Variants in EGFR observed in about 807,000 individuals in gnomAD.
EGFR encodes epidermal growth factor receptor.
In EGFR, 58 loss-of-function variants were observed where a neutral mutation model predicts 143.0. The observed-to-expected ratio is 0.41, with a 90% CI of 0.33 to 0.50. EGFR has a LOEUF of 0.50. EGFR is among the 20% of genes least tolerant of loss of function. The pLI is 0.39. For missense variants in EGFR, 1,307 were observed against 1,579.0 expected (o/e 0.83, Z 2.92); for synonymous variants, 613 against 594.4 (o/e 1.03, Z -0.45).
intron 1 of EGFR, among the ~76,000 whole-genome samples, chr7:55,068,082 G>A (rs1789619371): frequency 6.6e-6 from 1 of 151,476 alleles, no homozygotes; most frequent in African/African-American, 2.4e-5. Context: ...ACGTGTGTGT[G>A]TGTGCACAGG....
chr7:55,149,913 C>A (rs896908702), intron 4 of EGFR, among the ~76,000 whole-genome samples: 4 of 152,138 alleles, frequency 2.6e-5, no homozygotes, highest in Non-Finnish European at 5.9e-5. Context: ...GGTTATAACA[C>A]AATGTATAGT....
intron 1 of EGFR, among the ~76,000 whole-genome samples, chr7:55,103,766 C>A (rs1791961159): frequency 6.6e-6 from 1 of 152,178 alleles, no homozygotes; most frequent in Non-Finnish European, 1.5e-5. Flanking sequence ...GAAACTGTTT[C>A]TTCCTTGTCA....
At chr7:55,204,156 T>TAC (rs964045392) in intron 27 of EGFR, among the ~76,000 whole-genome samples, 3 of 134,220 alleles carry the variant, frequency 2.2e-5, no homozygotes, top group Non-Finnish European at 5.0e-5. Context: ...ACACACCAAC[T>TAC]ACACACACAC....
At chr7:55,144,556 G>T (rs1489802706) in intron 3 of EGFR, among the ~76,000 whole-genome samples, 1 of 152,176 alleles carries the variant, frequency 6.6e-6, no homozygotes, top group African/African-American at 2.4e-5. Flanking sequence ...CCCAACAGGG[G>T]TGCAGCGCTG....
intron 1 of EGFR, among the ~76,000 whole-genome samples, chr7:55,043,677 T>C (rs1445885998): frequency 6.6e-6 from 1 of 152,192 alleles, no homozygotes; most frequent in East Asian, 1.9e-4. Context: ...CATTCTTTAA[T>C]GCATAGGACA....
At chr7:55,035,506 T>C (rs6953397) in intron 1 of EGFR, among the ~76,000 whole-genome samples, 77,218 of 147,322 alleles carry the variant, frequency 0.52, 21,243 homozygotes, top group East Asian at 0.88. Flanking sequence ...AACCCCGTCT[T>C]CACTAAAAAA....
At position 55,205,898 on chromosome 7, in the gene EGFR, G is replaced by T; in HGVS notation, c.*281G>T. The T allele has an allele frequency of 2.6e-6, 1 of 378,572 alleles. No homozygotes were observed. The allele number at this position is 378,572 out of a possible 1,614,324, so 23.5% of individuals were successfully genotyped here. On this transcript the variant is annotated 3_prime_UTR_variant, in exon 28 of 28. Coordinates refer to ENST00000275493, the MANE Select transcript of EGFR (RefSeq NM_005228.5). ...ATTTATCTTTCAAAGAGGTATATTT[G>T]AAAAAAAAAAAAAGTATATGTGAGG...
At chr7:55,042,278 A>G (rs1283317423) in intron 1 of EGFR, among the ~76,000 whole-genome samples, 1 of 152,214 alleles carries the variant, frequency 6.6e-6, no homozygotes, top group Non-Finnish European at 1.5e-5. Context: ...TTTGCTCCAC[A>G]CATGTCTTGT....
At chr7:55,144,137 C>T (rs1191522920) in intron 3 of EGFR, among the ~76,000 whole-genome samples, 2 of 152,166 alleles carry the variant, frequency 1.3e-5, no homozygotes, top group African/African-American at 4.8e-5. Context: ...ATTTAACGCC[C>T]ACAACCTTTC....
intron 1 of EGFR, among the ~76,000 whole-genome samples, chr7:55,097,238 A>G (rs1274921282): frequency 9.1e-6 from 1 of 109,450 alleles, no homozygotes; most frequent in Non-Finnish European, 2.1e-5. Flanking sequence ...TCTTCAAGGC[A>G]GTACTGCCTG....
chr7:55,029,351 T>G (rs1185792197), intron 1 of EGFR, among the ~76,000 whole-genome samples: 1 of 152,176 alleles, frequency 6.6e-6, no homozygotes, highest in Non-Finnish European at 1.5e-5. Flanking sequence ...CTGGTGACAT[T>G]TATGAGTGAG....
intron 11 of EGFR, among the ~76,000 whole-genome samples, chr7:55,158,133 T>C (rs977040194): frequency 2.0e-5 from 3 of 152,244 alleles, no homozygotes; most frequent in African/African-American, 7.2e-5. Context: ...TCTAACCATG[T>C]CTGTTCAGCT....
intron 1 of EGFR, among the ~76,000 whole-genome samples, chr7:55,094,382 C>T (rs1031261109): frequency 2.0e-5 from 3 of 152,236 alleles, no homozygotes; most frequent in Non-Finnish European, 4.4e-5. Context: ...CCTCACTGTG[C>T]AGCCTCCTGC....
At chr7:55,154,495 A>G (rs1327579838) in intron 7 of EGFR, among the ~76,000 whole-genome samples, 1 of 152,248 alleles carries the variant, frequency 6.6e-6, no homozygotes, top group East Asian at 1.9e-4. Context: ...GCTGGGCACA[A>G]AGCCGTGGGC....
chr7:55,168,714 G>A (rs1483844388), intron 15 of EGFR: 9 of 833,820 alleles, frequency 1.1e-5, no homozygotes, highest in Non-Finnish European at 1.6e-5. Flanking sequence ...TGAGTATATA[G>A]TTTGATATAA....
At chr7:55,130,752 C>G (rs769440998) in intron 1 of EGFR, among the ~76,000 whole-genome samples, 5 of 152,220 alleles carry the variant, frequency 3.3e-5, no homozygotes, top group Non-Finnish European at 7.3e-5. Flanking sequence ...GGAGACTGTT[C>G]TGAGAGCATG....
At chr7:55,082,398 C>A (rs1583992406) in intron 1 of EGFR, among the ~76,000 whole-genome samples, 1 of 152,004 alleles carries the variant, frequency 6.6e-6, no homozygotes. Context: ...TTGTTTGTTT[C>A]CCTTGTCTCC....
At chr7:55,170,021 T>C (rs1786264262) in intron 15 of EGFR, among the ~76,000 whole-genome samples, 1 of 152,166 alleles carries the variant, frequency 6.6e-6, no homozygotes, top group South Asian at 2.1e-4. Context: ...TTGGTGTCTG[T>C]AGGAGGTAGT....
intron 1 of EGFR, among the ~76,000 whole-genome samples, chr7:55,066,074 TCTGA>T (rs928261601): frequency 6.6e-6 from 1 of 152,130 alleles, no homozygotes; most frequent in African/African-American, 2.4e-5. Flanking sequence ...AGAGGAGGTG[TCTGA>T]CTGAGGCGTT....
Sources: allele counts gnomAD v4.1 joint callset (sites outside exome capture counted in the v4.1 genomes callset), GRCh38; gene constraint gnomAD v4.1.1; transcripts MANE v1.5; gene names NCBI Gene and HGNC (gene_info 2026-07-23, HGNC 2026-07-21).